The following LHX4 variants were observed in gnomAD, a reference collection of about 807,000 sequenced individuals.
LHX4 encodes the protein LIM/homeobox protein Lhx4.
LHX4 carries 16 observed loss-of-function variants against 39.2 expected under a neutral mutation model. The ratio of observed to expected loss-of-function variants is 0.41; its 90% confidence interval spans 0.28 to 0.62. LHX4 has a LOEUF of 0.62. Ranked by LOEUF, LHX4 falls within the 20% of genes least tolerant of loss-of-function variation. The pLI is 0.33. For missense variants in LHX4, 439 were observed against 511.9 expected (o/e 0.86, Z 1.37); for synonymous variants, 206 against 198.1 (o/e 1.04, Z -0.33).
At chr1:180,229,566 G>GA (rs1664112846), upstream of LHX4, among the ~76,000 whole-genome samples, 1 of 152,154 alleles carries the variant, frequency 6.6e-6, no homozygotes, top group South Asian at 2.1e-4. Context: ...AGACGCGGGG[G>GA]AGAGAGAGCA....
Position 180,278,580 on chromosome 1 carries a change from G to A in LHX4, c.*4001G>A, listed in dbSNP as rs928767390. On this transcript the variant is annotated 3_prime_UTR_variant, in exon 6 of 6. Coordinates refer to ENST00000263726, the MANE Select transcript of LHX4 (RefSeq NM_033343.4). ...TAGGGAGGCAGAGCACAGGTGAACA[G>A]AGGAAGGACACCCCCACTCTCATCT... is the stretch of plus-strand genomic sequence containing the variant. 6.6e-6 allele frequency: 1 copy of A among 151,968 alleles called. No individual in the cohort carries two copies. The highest frequency in any genetic ancestry group is 2.4e-5 in the African/African-American group (1 of 41,330). 9.4% of individuals were successfully genotyped at this position (151,968 alleles called of 1,614,324 possible).
rs1262170965 is a variant in LHX4 at position 180,267,934 on chromosome 1, T to A, written c.451+1340T>A. 4.0e-5 allele frequency among the ~76,000 whole-genome samples: 6 copies of A among 151,832 alleles called. No individual in the cohort carries two copies. The East Asian group carries it at 1.2e-3, about 30-fold the overall frequency. ...GTTTGGCTTTGGTCCATGGCAGGAG[T>A]GGGCAGGGCTTCCTGTCTCTTTGAG... On this transcript the variant is annotated intron_variant, in intron 3 of 5. Transcript: ENST00000263726.
At chr1:180,270,902 A>G (rs1460565884) in intron 3 of LHX4, 3 of 239,324 alleles carry the variant, frequency 1.3e-5, no homozygotes, top group Middle Eastern at 1.5e-3. Context: ...GAGCCCAGCG[A>G]CGCCAGGGCA....
chr1:180,230,536 C>G lies in LHX4; in HGVS notation c.7C>G (p.Gln3Glu). Reference sequence around the variant, plus strand: ...CGCTGGCTTTCGCTCCGAGATGATGCAGAGTGCGACTGTCCCCGCGGAAGG... The same window carrying G: ...CGCTGGCTTTCGCTCCGAGATGATGGAGAGTGCGACTGTCCCCGCGGAAGG... MM[Q>E]SATVPAEGAV... The change falls in exon 1 of 6, where the codon CAG (glutamine) becomes GAG (glutamate). Residue 3 changes from glutamine to glutamate, a missense_variant. By Grantham distance (29) the Gln-to-Glu change is conservative. Coordinates refer to ENST00000263726, the MANE Select transcript of LHX4 (RefSeq NM_033343.4). The surrounding 1 kb of genome is among the most constrained non-coding windows in gnomAD (Gnocchi z 5.8). The G allele has an allele frequency of 6.2e-7, 1 of 1,613,682 alleles. No homozygotes were observed.
intron 3 of LHX4, among the ~76,000 whole-genome samples, chr1:180,267,394 A>G (rs1480650607): frequency 1.3e-5 from 2 of 152,280 alleles, no homozygotes; most frequent in Non-Finnish European, 2.9e-5. Flanking sequence ...CTCTCGCCCT[A>G]CATGCCATGC....
chr1:180,256,822 T>C (rs1343354558), intron 2 of LHX4, among the ~76,000 whole-genome samples: 1 of 152,112 alleles, frequency 6.6e-6, no homozygotes, highest in South Asian at 2.1e-4. Context: ...GATTGGCCTG[T>C]AGTGAGAAGG....
rs553146636 is a variant in LHX4 at position 180,256,931 on chromosome 1, T to A, written c.248+8475T>A. Among the ~76,000 whole-genome samples the A allele has an allele frequency of 5.3e-5, 8 of 152,326 alleles. No individual in the cohort carries two copies. In the South Asian group the frequency reaches 8.3e-4, roughly 16 times the overall value. On this transcript the variant is annotated intron_variant, in intron 2 of 5. Coordinates refer to ENST00000263726, the MANE Select transcript of LHX4 (RefSeq NM_033343.4). ...CCTGTGGCTGTCAGAAAGAAGGGAA[T>A]ACTAATCCCTCCCTACAAGGGCAGG...
intron 1 of LHX4, among the ~76,000 whole-genome samples, chr1:180,237,850 T>C (rs1664361046): frequency 6.6e-6 from 1 of 152,200 alleles, no homozygotes; most frequent in Non-Finnish European, 1.5e-5. Flanking sequence ...GCCAAACATA[T>C]GGAATACTGT....
chr1:180,246,847 A>T (rs1191356102), intron 1 of LHX4, among the ~76,000 whole-genome samples: 1 of 152,204 alleles, frequency 6.6e-6, no homozygotes, highest in African/African-American at 2.4e-5. Context: ...ACAGGATTTA[A>T]TCAATTTATT....
chr1:180,229,973 GGGT>G (rs1664132988), upstream of LHX4, among the ~76,000 whole-genome samples: 1 of 143,628 alleles, frequency 7.0e-6, no homozygotes, highest in African/African-American at 2.6e-5. Context: ...GAGGGGGGGG[GGGT>G]GCCGGCTTGC....
At chr1:180,254,133 A>G (rs7551216) in intron 2 of LHX4, among the ~76,000 whole-genome samples, 9,195 of 152,254 alleles carry the variant, frequency 0.06, 403 homozygotes, top group South Asian at 0.2. Flanking sequence ...CTGGGGCTCC[A>G]TATTTCCATC....
chr1:180,233,806 C>G (rs1664236780), intron 1 of LHX4, among the ~76,000 whole-genome samples: 1 of 152,096 alleles, frequency 6.6e-6, no homozygotes, highest in African/African-American at 2.4e-5. Context: ...GAATGCAGGC[C>G]TGGGGGTCTC....
At chr1:180,249,896 TGAGTGTGTGTGTGACAGTGTGTGTGA>T (rs1200658119) in intron 2 of LHX4, among the ~76,000 whole-genome samples, 1 of 148,004 alleles carries the variant, frequency 6.8e-6, no homozygotes, top group African/African-American at 2.7e-5. Context: ...AGTGTGTGTA[TGAGTGTGTGTGTGACAGTGTGTGTGA>T]GAGTGTGTGT....
chr1:180,230,214 T>C, upstream of LHX4: 2 of 333,344 alleles, frequency 6.0e-6, no homozygotes, highest in Non-Finnish European at 5.5e-6. The surrounding 1 kb of genome is among the most constrained non-coding windows in gnomAD (Gnocchi z 5.8). Context: ...ACGCGAAGGG[T>C]GGAGGGGGAG....
At chr1:180,265,378 C>A (rs1000976095) in intron 2 of LHX4, among the ~76,000 whole-genome samples, 4 of 152,348 alleles carry the variant, frequency 2.6e-5, no homozygotes, top group African/African-American at 7.2e-5. Context: ...TGCAGCCACG[C>A]ACCCTCCTTC....
rs560905137 is a variant in LHX4 at position 180,271,713 on chromosome 1, A to C, written c.607-122A>C. 5.4e-6 allele frequency: 7 copies of C among 1,299,460 alleles called. No individual in the cohort carries two copies. The African/African-American group carries it at 1.0e-4, about 19-fold the overall frequency. 80.5% of individuals were successfully genotyped at this position (1,299,460 alleles called of 1,614,324 possible). A position where few individuals can be genotyped will look rare whatever the true frequency, so the allele number is the denominator to read the frequency against. On this transcript the variant is annotated intron_variant, in intron 4 of 5. Coordinates refer to ENST00000263726, the MANE Select transcript of LHX4 (RefSeq NM_033343.4). ...GGGGAGAGGGGGTGGGGCGCATCGC[A>C]CTCCCAGACCTGTGCTCCATTCAGG...
At chr1:180,271,287 C>G in intron 3 of LHX4, 93 bp from the exon 4 acceptor site, 1 of 1,423,766 alleles carries the variant, frequency 7.0e-7, no homozygotes. Context: ...AGCAGGCAGG[C>G]TTAGGTGCAG....
chr1:180,255,789 G>A (rs887513055), intron 2 of LHX4, among the ~76,000 whole-genome samples: 2 of 152,246 alleles, frequency 1.3e-5, no homozygotes, highest in East Asian at 1.9e-4. Context: ...CCCCGAGTGG[G>A]GCCTGGGGTG....
At chr1:180,241,040 G>T (rs1156667444) in intron 1 of LHX4, among the ~76,000 whole-genome samples, 1 of 152,178 alleles carries the variant, frequency 6.6e-6, no homozygotes, top group Non-Finnish European at 1.5e-5. Context: ...AGGAAAAAAT[G>T]CTAGAAGCCC....
Sources: gnomAD v4.1 joint callset for allele counts (sites outside exome capture counted in the v4.1 genomes callset) on GRCh38, gnomAD v4.1.1 for gene constraint, Gnocchi (gnomAD v3.1) non-coding constraint, MANE v1.5 for transcripts, NCBI Gene and HGNC (gene_info 2026-07-23, HGNC 2026-07-21) for gene names.